DOK6: variants seen among roughly 807,000 people sequenced by gnomAD.
DOK6 encodes the protein docking protein 6.
DOK6 carries 22 observed loss-of-function variants against 44.0 expected under a neutral mutation model. That is an observed-to-expected ratio of 0.50 (90% CI 0.36 to 0.71). The LOEUF (loss-of-function observed/expected upper bound fraction) is 0.71. Among genes scored for constraint, DOK6 ranks in the 30% least tolerant of loss-of-function variants. The pLI is 0.00. For synonymous variants in DOK6, 166 were observed against 145.5 expected (o/e 1.14, Z -1.01); for missense variants, 340 against 416.4 (o/e 0.82, Z 1.60).
chr18:69,739,376 TAAG>T (rs1245568430), intron 6 of DOK6, among the ~76,000 whole-genome samples: 1 of 152,222 alleles, frequency 6.6e-6, no homozygotes, highest in Non-Finnish European at 1.5e-5. Context: ...TTGCATGAAA[TAAG>T]AAGCAATGCT....
intron 3 of DOK6, among the ~76,000 whole-genome samples, chr18:69,632,876 C>T (rs556285092): frequency 1.9e-4 from 29 of 152,286 alleles, no homozygotes; most frequent in African/African-American, 7.0e-4. Flanking sequence ...TCTGATGGCA[C>T]TTTGTGTTGC....
chr18:69,657,770 T>TTTTCACCTA (rs1985406429), intron 3 of DOK6, among the ~76,000 whole-genome samples: 1 of 152,140 alleles, frequency 6.6e-6, no homozygotes, highest in South Asian at 2.1e-4. Flanking sequence ...TGATAGGAGA[T>TTTTCACCTA]TTTCACCTGT....
chr18:69,683,055 G>A (rs1334881660), intron 4 of DOK6, among the ~76,000 whole-genome samples: 1 of 152,026 alleles, frequency 6.6e-6, no homozygotes, highest in Admixed American at 6.6e-5. Flanking sequence ...CTAAGGATCT[G>A]GGGTAAACCA....
intron 5 of DOK6, 150 bp from the exon 6 acceptor site, chr18:69,738,815 G>A: frequency 2.5e-6 from 2 of 809,820 alleles, no homozygotes; most frequent in Non-Finnish European, 1.9e-6. Flanking sequence ...TGCACTTTTT[G>A]GTTGGTTTGG....
At chr18:69,446,887 T>C (rs1345849990) in intron 1 of DOK6, among the ~76,000 whole-genome samples, 1 of 152,198 alleles carries the variant, frequency 6.6e-6, no homozygotes, top group Admixed American at 6.5e-5. Context: ...ATCCTTTGCC[T>C]ACTTTTTGAT....
intron 7 of DOK6, among the ~76,000 whole-genome samples, chr18:69,783,510 G>A (rs909590790): frequency 2.0e-5 from 3 of 152,012 alleles, no homozygotes; most frequent in Non-Finnish European, 4.4e-5. Flanking sequence ...TATATACTAC[G>A]TGCATTGGGC....
intron 7 of DOK6, among the ~76,000 whole-genome samples, chr18:69,816,025 T>C (rs537214916): frequency 6.6e-6 from 1 of 152,290 alleles, no homozygotes; most frequent in South Asian, 2.1e-4. Context: ...AATAACACAC[T>C]GTGACTTAAG....
At chr18:69,481,650 CT>C (rs1980426344) in intron 1 of DOK6, among the ~76,000 whole-genome samples, 1 of 152,100 alleles carries the variant, frequency 6.6e-6, no homozygotes, top group Non-Finnish European at 1.5e-5. Flanking sequence ...GGTTCCAAGT[CT>C]TTGCTATTGT....
intron 5 of DOK6, among the ~76,000 whole-genome samples, chr18:69,732,287 T>C (rs1299188717): frequency 6.6e-6 from 1 of 152,200 alleles, no homozygotes; most frequent in Non-Finnish European, 1.5e-5. Context: ...CCAGGAGCTA[T>C]GTATATAGGG....
chr18:69,834,129 A>G lies in DOK6; in HGVS notation c.857-7115A>G, dbSNP rs1165869189. Among the ~76,000 whole-genome samples the G allele has an allele frequency of 2.0e-5, 3 of 152,214 alleles. No individual in the cohort carries two copies. The South Asian group carries it at 6.2e-4, about 31-fold the overall frequency. On this transcript the variant is annotated intron_variant, in intron 7 of 7. Transcript: ENST00000382713. ...AATAGCCAAGATAGAGAATCAACCT[A>G]TGTCCATAAACAGATGAATGGATAA...
intron 5 of DOK6, among the ~76,000 whole-genome samples, chr18:69,730,501 C>A (rs1285401737): frequency 2.6e-5 from 4 of 152,096 alleles, no homozygotes; most frequent in Admixed American, 1.3e-4. Context: ...AGGAACAATA[C>A]AAACTGATTG....
intron 1 of DOK6, among the ~76,000 whole-genome samples, chr18:69,515,687 A>C (rs1981501378): frequency 6.6e-6 from 1 of 152,258 alleles, no homozygotes; most frequent in Non-Finnish European, 1.5e-5. Context: ...TGAAAGTGAA[A>C]GATATATGGT....
At chr18:69,756,289 A>G (rs966808073) in intron 6 of DOK6, among the ~76,000 whole-genome samples, 2 of 152,042 alleles carry the variant, frequency 1.3e-5, no homozygotes, top group African/African-American at 4.8e-5. Flanking sequence ...TCTCCTTAGA[A>G]CCCCACCCCT....
At chr18:69,613,090 C>T (rs1324200926) in intron 3 of DOK6, among the ~76,000 whole-genome samples, 1 of 152,034 alleles carries the variant, frequency 6.6e-6, no homozygotes. Context: ...AGGCTGGTCT[C>T]GAACTCCTGG....
intron 3 of DOK6, among the ~76,000 whole-genome samples, chr18:69,672,775 T>A (rs1985835921): frequency 6.6e-6 from 1 of 151,926 alleles, no homozygotes; most frequent in African/African-American, 2.4e-5. Context: ...AAGTAGAAAG[T>A]CACGCCAGTT....
At position 69,623,751 on chromosome 18, in the gene DOK6, C is replaced by T. The variant is rs150185474; in HGVS notation, c.289+24253C>T. 2.5e-3 allele frequency among the ~76,000 whole-genome samples: 385 copies of T among 152,272 alleles called. 1 individual carries two copies. Among genetic ancestry groups the T allele is most frequent in the African/African-American group, 8.3e-3 (347 of 41,562 alleles). ...GAATCTCATAATCATTCTCACAACA[C>T]TCTTATAATGTCATTATTTTCATTT... On this transcript the variant is annotated intron_variant, in intron 3 of 7. Transcript: ENST00000382713.
At chr18:69,417,307 G>A (rs931240779) in intron 1 of DOK6, among the ~76,000 whole-genome samples, 3 of 152,086 alleles carry the variant, frequency 2.0e-5, no homozygotes, top group African/African-American at 7.2e-5. Context: ...CATATTGTGA[G>A]ACACGTAACG....
At chr18:69,712,518 A>C (rs2144716617) in intron 5 of DOK6, among the ~76,000 whole-genome samples, 1 of 152,234 alleles carries the variant, frequency 6.6e-6, no homozygotes, top group Non-Finnish European at 1.5e-5. Flanking sequence ...ATAATCCACC[A>C]AACTCTCTGG....
At chr18:69,785,593 T>C (rs1328968262) in intron 7 of DOK6, among the ~76,000 whole-genome samples, 1 of 152,176 alleles carries the variant, frequency 6.6e-6, no homozygotes, top group African/African-American at 2.4e-5. Flanking sequence ...CTTTTAGGAA[T>C]AGATTTTCCA....
Sources: gnomAD v4.1 joint callset for allele counts (sites outside exome capture counted in the v4.1 genomes callset) on GRCh38, gnomAD v4.1.1 for gene constraint, MANE v1.5 for transcripts, NCBI Gene and HGNC (gene_info 2026-07-23, HGNC 2026-07-21) for gene names.